The following CSMD1 variants were observed in gnomAD, a reference collection of about 807,000 sequenced individuals.
CSMD1 encodes CUB and sushi domain-containing protein 1.
A neutral mutation model predicts 417.5 loss-of-function variants in CSMD1; 213 were observed. The ratio of observed to expected loss-of-function variants is 0.51; its 90% CI spans 0.46 to 0.57. CSMD1 has a LOEUF of 0.57. Among genes scored for constraint, CSMD1 ranks in the 20% least tolerant of loss-of-function variants. CSMD1 has a pLI of 0.00. For missense variants in CSMD1, 6,923 were observed against 4,529.7 expected, an observed-to-expected ratio of 1.53 and a Z score of -15.17; for synonymous variants, 2,862 against 1,736.8, an observed-to-expected ratio of 1.65 and a Z score of -16.11.
rs375419147 is a variant in CSMD1, at chr8:3,524,551, GCA to G, written c.1345-30827_1345-30826del. On this transcript the variant is annotated intron_variant, in intron 10 of 69. Coordinates refer to ENST00000635120, the MANE Select transcript of CSMD1 (RefSeq NM_033225.6). ...CATACGCACACACAAGCACACACATGCACACACACATGCATACCCAGACACTT... is the reference window on the plus strand; with the variant it reads ...CATACGCACACACAAGCACACACATGCACACACATGCATACCCAGACACTT... Among the ~76,000 whole-genome samples the G allele has an allele frequency of 1.2e-3, 168 of 142,828 alleles. 1 individual carries two copies. The highest frequency in any genetic ancestry group is 4.2e-3 in the African/African-American group (159 of 38,084). 93.7% of individuals were successfully genotyped at this position (142,828 alleles called of 152,430 possible). A position where few individuals can be genotyped will look rare whatever the true frequency, so the allele number is the denominator to read the frequency against.
intron 3 of CSMD1, among the ~76,000 whole-genome samples, chr8:4,337,650 A>G (rs1215570683): frequency 1.3e-5 from 2 of 152,176 alleles, no homozygotes; most frequent in Non-Finnish European, 2.9e-5. Flanking sequence ...CCGTTGACTT[A>G]CAGCAGATTA....
intron 1 of CSMD1, among the ~76,000 whole-genome samples, chr8:4,729,992 G>A (rs148985070): frequency 6.6e-6 from 1 of 152,098 alleles, no homozygotes; most frequent in African/African-American, 2.4e-5. Flanking sequence ...CTCCTCTCCC[G>A]ATTCTGAAAC....
At chr8:3,393,465 G>C (rs1811469414) in intron 17 of CSMD1, among the ~76,000 whole-genome samples, 1 of 152,126 alleles carries the variant, frequency 6.6e-6, no homozygotes, top group Non-Finnish European at 1.5e-5. Flanking sequence ...TCTTTTTAGG[G>C]ATGGAGAGAA....
chr8:4,205,544 A>G (rs917935854), intron 3 of CSMD1, among the ~76,000 whole-genome samples: 3 of 152,190 alleles, frequency 2.0e-5, no homozygotes, highest in Admixed American at 6.5e-5. Context: ...ACTGACATTG[A>G]AAGTTGACGG....
At chr8:3,667,542 G>T (rs900337036) in intron 7 of CSMD1, among the ~76,000 whole-genome samples, 52 of 152,228 alleles carry the variant, frequency 3.4e-4, no homozygotes, top group Non-Finnish European at 1.2e-4. Context: ...GGTCAGGAAG[G>T]ACGTGAGGAC....
At chr8:3,452,813 A>C (rs1815836733) in intron 12 of CSMD1, among the ~76,000 whole-genome samples, 1 of 152,212 alleles carries the variant, frequency 6.6e-6, no homozygotes, top group South Asian at 2.1e-4. Context: ...CTTTGGTATC[A>C]GGATGATGTT....
In CSMD1 at chr8:4,569,774, A is replaced by G. The variant is rs139461856; in HGVS notation, c.302+67568T>C. On this transcript the variant is annotated intron_variant, in intron 2 of 69. Transcript: ENST00000635120. The stretch of plus-strand genomic sequence containing the variant: ...ATATTGATTCTTTCTATCCATGAGC[A>G]TGGAATTTTTCTTTCCATTTGTTTG... Among the ~76,000 whole-genome samples the G allele has an allele frequency of 5.3e-3, 801 of 152,304 alleles. 7 individuals are homozygous for G. The highest frequency in any genetic ancestry group is 0.019 in the African/African-American group (771 of 41,568).
At chr8:4,351,350 A>C (rs1169549959) in intron 3 of CSMD1, among the ~76,000 whole-genome samples, 1 of 152,224 alleles carries the variant, frequency 6.6e-6, no homozygotes, top group African/African-American at 2.4e-5. Flanking sequence ...TGAAAATTTG[A>C]GGCATCTCCT....
chr8:3,764,739 C>CTT (rs66603480), intron 5 of CSMD1, among the ~76,000 whole-genome samples: 13 of 129,770 alleles, frequency 1.0e-4, no homozygotes, highest in South Asian at 2.5e-4. Flanking sequence ...TTTTCTCTTT[C>CTT]TTTTTTTTTT....
intron 26 of CSMD1, among the ~76,000 whole-genome samples, chr8:3,276,488 A>G (rs1442960175): frequency 1.3e-5 from 2 of 152,170 alleles, no homozygotes; most frequent in African/African-American, 2.4e-5. Flanking sequence ...TCCCATTTAT[A>G]AAACCATGAG....
Position 4,146,438 on chromosome 8 carries a change from G to C in CSMD1, c.416-114339C>G, listed in dbSNP as rs374128573. Among the ~76,000 whole-genome samples, 40 of 150,550 alleles carry C rather than the reference G, an allele frequency of 2.7e-4. 2 individuals are homozygous for C. Among genetic ancestry groups the C allele is most frequent in the East Asian group, 2.3e-3 (12 of 5,154 alleles). ...CTCCAAAGACGTGTACCCAGGATGT[G>C]TCTCAGCAGTAAGTGTAGAGTTAAC... On this transcript the variant is annotated intron_variant, in intron 3 of 69. Transcript: ENST00000635120.
chr8:2,967,303 A>G (rs541660673), intron 57 of CSMD1, among the ~76,000 whole-genome samples: 1 of 152,328 alleles, frequency 6.6e-6, no homozygotes, highest in East Asian at 1.9e-4. Context: ...GGTGTCCTCA[A>G]TAATTACCAG....
chr8:3,927,093 G>C (rs530582328), intron 5 of CSMD1, among the ~76,000 whole-genome samples: 1 of 151,502 alleles, frequency 6.6e-6, no homozygotes, highest in Non-Finnish European at 1.5e-5. Context: ...ATTATCTTTA[G>C]GTATTATTAT....
intron 39 of CSMD1, among the ~76,000 whole-genome samples, chr8:3,155,359 A>AGTTTTTTTTTTTTTT: frequency 2.3e-5 from 1 of 43,322 alleles, no homozygotes; most frequent in Non-Finnish European, 4.7e-5. Context: ...CAAGGCTGGG[A>AGTTTTTTTTTTTTTT]TTTTTTTTTT....
chr8:3,415,613 G>C (rs575658335), intron 12 of CSMD1, among the ~76,000 whole-genome samples: 21 of 152,254 alleles, frequency 1.4e-4, no homozygotes, highest in African/African-American at 5.1e-4. Context: ...CCCTCCTCTA[G>C]CCTCCCAACA....
At chr8:4,104,165 T>G (rs1801446100) in intron 3 of CSMD1, among the ~76,000 whole-genome samples, 3 of 152,226 alleles carry the variant, frequency 2.0e-5, no homozygotes, top group African/African-American at 4.8e-5. Context: ...CTGTCCTTGA[T>G]TTTCACTGGA....
At chr8:4,131,945 T>C (rs1185454218) in intron 3 of CSMD1, among the ~76,000 whole-genome samples, 1 of 151,910 alleles carries the variant, frequency 6.6e-6, no homozygotes, top group Non-Finnish European at 1.5e-5. Context: ...TGGTATTTTT[T>C]AGTAGAGACC....
chr8:4,748,699 C>A (rs1033570063), intron 1 of CSMD1, among the ~76,000 whole-genome samples: 15 of 152,182 alleles, frequency 9.9e-5, no homozygotes, highest in African/African-American at 3.6e-4. Context: ...GAATAGCCCA[C>A]ACCTGAGTTG....
chr8:3,732,016 G>A (rs890002112), intron 6 of CSMD1, among the ~76,000 whole-genome samples: 3 of 150,762 alleles, frequency 2.0e-5, no homozygotes, highest in African/African-American at 4.9e-5. Flanking sequence ...AAGAAGAGCA[G>A]AATGCATGCT....
Sources: allele counts gnomAD v4.1 joint callset (sites outside exome capture counted in the v4.1 genomes callset), GRCh38; gene constraint gnomAD v4.1.1; transcripts MANE v1.5; gene names NCBI Gene and HGNC (gene_info 2026-07-23, HGNC 2026-07-21).